The following MIB1 variants were observed in gnomAD, a reference collection of about 807,000 sequenced individuals.
MIB1 encodes MIB E3 ubiquitin protein ligase 1.
A neutral mutation model predicts 124.5 loss-of-function variants in MIB1; 278 were observed. That is an observed-to-expected ratio of 2.23 (90% CI 2.02 to 2.47). The LOEUF (loss-of-function observed/expected upper bound fraction) is 2.47. Among genes scored for constraint, MIB1 ranks in the 30% most tolerant of loss-of-function variants. The pLI, the probability that MIB1 is intolerant of heterozygous loss-of-function variation, is 0.00. For synonymous variants in MIB1, 446 were observed against 429.4 expected (o/e 1.04, Z -0.48); for missense variants, 957 against 1,254.4 (o/e 0.76, Z 3.58).
chr18:21,798,729 G>A (rs1746847959), intron 8 of MIB1, among the ~76,000 whole-genome samples: 1 of 152,000 alleles, frequency 6.6e-6, no homozygotes, highest in Non-Finnish European at 1.5e-5. Context: ...ATGCTAAAAT[G>A]TGAACATCCT....
chr18:21,746,648 A>G (rs893772067), intron 1 of MIB1, among the ~76,000 whole-genome samples: 1 of 152,190 alleles, frequency 6.6e-6, no homozygotes, highest in African/African-American at 2.4e-5. Flanking sequence ...TCACTTGACT[A>G]CAGTGTTGTA....
chr18:21,798,114 A>T lies in MIB1; in HGVS notation c.1123A>T (p.Ile375Phe), dbSNP rs2041606217. The T allele has an allele frequency of 6.2e-7, 1 of 1,613,078 alleles. No homozygotes were observed. Among genetic ancestry groups the T allele is most frequent in the Non-Finnish European group, 8.5e-7 (1 of 1,179,374 alleles). The change falls in exon 8 of 21, where the codon ATT (isoleucine) becomes TTT (phenylalanine). Residue 375 changes from isoleucine to phenylalanine, a missense_variant. Transcript: ENST00000261537. The part of the protein sequence containing the change: ...TLGKVGRVQQ[I>F]YSDSDLKVEV... ...AGGTAAAGTTGGCCGAGTACAACAG[A>T]TTTATTCAGACAGTGATTTAAAGGT...
chr18:21,796,366 G>A (rs2041579852), intron 7 of MIB1, among the ~76,000 whole-genome samples: 1 of 151,896 alleles, frequency 6.6e-6, no homozygotes, highest in African/African-American at 2.4e-5. Flanking sequence ...ACACAGGGAG[G>A]GGAACATCAC....
intron 1 of MIB1, among the ~76,000 whole-genome samples, chr18:21,723,249 T>G (rs1306292813): frequency 1.3e-5 from 2 of 152,184 alleles, no homozygotes; most frequent in African/African-American, 4.8e-5. Context: ...TTATTTTGTT[T>G]TTTTTAAGCA....
At chr18:21,846,482 A>G (rs188411893) in intron 15 of MIB1, among the ~76,000 whole-genome samples, 1 of 152,286 alleles carries the variant, frequency 6.6e-6, no homozygotes, top group Admixed American at 6.5e-5. Context: ...CATTCTCCGT[A>G]TCTTGGCTCA....
intron 13 of MIB1, among the ~76,000 whole-genome samples, chr18:21,840,651 ATATATATATATATATTTTT>A (rs869137484): frequency 0.045 from 3,821 of 84,548 alleles, 138 homozygotes; most frequent in Non-Finnish European, 0.055. Context: ...ATATATATAT[ATATATATATATATATTTTT>A]TTTTTTTTTT....
At chr18:21,764,316 A>G (rs572282109) in intron 1 of MIB1, among the ~76,000 whole-genome samples, 3 of 152,040 alleles carry the variant, frequency 2.0e-5, no homozygotes, top group Admixed American at 1.3e-4. Context: ...CTTTCCCTCA[A>G]AACAGGCATA....
intron 11 of MIB1, among the ~76,000 whole-genome samples, chr18:21,816,865 G>T (rs1194928102): frequency 6.6e-6 from 1 of 152,066 alleles, no homozygotes; most frequent in Non-Finnish European, 1.5e-5. Flanking sequence ...TAAGTGGGAG[G>T]CAGGATTGGA....
chr18:21,804,006 G>A lies in MIB1; in HGVS notation c.1471G>A (p.Glu491Lys), dbSNP rs1434392772. ...KLLLKQNVDV[E>K]AEDKDGDRAV... Reference sequence around the variant, plus strand: ...ACTTTTGAAGCAAAACGTGGATGTCGAAGCAGAGGTAAGTAAACTTGAAAA... The same window carrying A: ...ACTTTTGAAGCAAAACGTGGATGTCAAAGCAGAGGTAAGTAAACTTGAAAA... Residue 491 changes from glutamate to lysine, a missense_variant, in exon 10 of 21, where the codon GAA becomes AAA. Physicochemically the swap from Glu to Lys is moderately conservative, Grantham distance 56. Transcript: ENST00000261537. The A allele has an allele frequency of 3.7e-6, 6 of 1,609,922 alleles. No individual in the cohort carries two copies. Among genetic ancestry groups the A allele is most frequent in the African/African-American group, 1.3e-5 (1 of 74,922 alleles).
At chr18:21,776,015 C>T (rs1190298667) in intron 4 of MIB1, among the ~76,000 whole-genome samples, 1 of 151,994 alleles carries the variant, frequency 6.6e-6, no homozygotes, top group Non-Finnish European at 1.5e-5. Context: ...ACCTGTAATC[C>T]CAGCACCATG....
At position 21,729,263 on chromosome 18, in the gene MIB1, G is replaced by A. The variant is rs77201690; in HGVS notation, n.167+24140G>A. On this transcript the variant is annotated intron_variant and non_coding_transcript_variant, in intron 1 of 20. Transcript: ENST00000578646. ...GGGCTTGGTTAGTGAGGAAGATGGC[G>A]TCATAGTCTGTTCGGGCTGCTATAA... Among the ~76,000 whole-genome samples, 195 of 152,300 alleles carry A rather than the reference G, an allele frequency of 1.3e-3. 3 individuals are homozygous for A. The East Asian group carries it at 0.029, about 23-fold the overall frequency.
At chr18:21,797,935 T>A in intron 7 of MIB1, 149 bp from the exon 8 acceptor site, 1 of 623,192 alleles carries the variant, frequency 1.6e-6, no homozygotes, top group Non-Finnish European at 2.7e-6. Context: ...TTTGTACTTA[T>A]TCAAATAACC....
Position 21,741,547 on chromosome 18 carries a change from G to GGCGGCGGCA in MIB1, c.-29_-21dup, listed in dbSNP as rs1199669133. On this transcript the variant is annotated 5_prime_UTR_variant, in exon 1 of 21. Coordinates refer to ENST00000261537, the MANE Select transcript of MIB1 (RefSeq NM_020774.4). This position sits in a 1 kb window ranked among gnomAD's most constrained non-coding sequence, Gnocchi z 5.4. ...GCCCCCCGGCGGCAGCGGCGGCGGC[G>GGCGGCGGCA]GCGGCGGCAGCGGCGGAGCCCACCG... 4.2e-5 allele frequency: 55 copies of GGCGGCGGCA among 1,309,596 alleles called. No homozygotes were observed. The highest frequency in any genetic ancestry group is 4.8e-5 in the Non-Finnish European group (49 of 1,028,162). The allele number at this position is 1,309,596 out of a possible 1,614,324, so 81.1% of individuals were successfully genotyped here.
chr18:21,755,184 G>A (rs1466522128), intron 1 of MIB1, among the ~76,000 whole-genome samples: 1 of 152,118 alleles, frequency 6.6e-6, no homozygotes, highest in Non-Finnish European at 1.5e-5. Context: ...TTCCTCAGAT[G>A]GAACTAGGAA....
At chr18:21,757,781 C>T (rs556324499) in intron 1 of MIB1, among the ~76,000 whole-genome samples, 3 of 152,076 alleles carry the variant, frequency 2.0e-5, no homozygotes, top group East Asian at 3.9e-4. Context: ...CCACCACACC[C>T]GGCCAGTCTT....
intron 6 of MIB1, among the ~76,000 whole-genome samples, chr18:21,785,287 C>T (rs1427148462): frequency 3.9e-5 from 6 of 152,038 alleles, no homozygotes; most frequent in African/African-American, 7.2e-5. Flanking sequence ...CCGGTCTCCG[C>T]GTCTTGGTGG....
At chr18:21,845,876 G>A (rs994582158) in intron 15 of MIB1, among the ~76,000 whole-genome samples, 1 of 152,134 alleles carries the variant, frequency 6.6e-6, no homozygotes, top group Non-Finnish European at 1.5e-5. Context: ...GTCTGCTTCA[G>A]CCTCCCAAAG....
chr18:21,866,596 C>G lies in MIB1; in HGVS notation c.*1930C>G, dbSNP rs1035164553. Reference sequence around the variant, plus strand: ...GTGAGGAGGGAGCACCTGGCTGACTCATGCAGAGTTTGGCCAATCAGAGAA... The same window carrying G: ...GTGAGGAGGGAGCACCTGGCTGACTGATGCAGAGTTTGGCCAATCAGAGAA... On this transcript the variant is annotated 3_prime_UTR_variant, in exon 21 of 21. Transcript: ENST00000261537. The G allele has an allele frequency of 5.9e-5, 9 of 152,156 alleles. No individual in the cohort carries two copies. The highest frequency in any genetic ancestry group is 2.2e-4 in the African/African-American group (9 of 41,440). The allele number at this position is 152,156 out of a possible 1,614,324, so 9.4% of individuals were successfully genotyped here. A position where few individuals can be genotyped will look rare whatever the true frequency, so the allele number is the denominator to read the frequency against.
chr18:21,799,975 G>A lies in MIB1; in HGVS notation c.1371+1G>A, dbSNP rs565728625. 6 of 1,608,502 alleles carry A rather than the reference G, an allele frequency of 3.7e-6. No individual in the cohort carries two copies. The highest frequency in any genetic ancestry group is 4.2e-6 in the Non-Finnish European group (5 of 1,176,624). On this transcript the variant is annotated splice_donor_variant, in intron 9 of 20. Coordinates refer to ENST00000261537, the MANE Select transcript of MIB1 (RefSeq NM_020774.4). LOFTEE classifies it high-confidence loss of function. Reference sequence around the variant, plus strand: ...TTTGCTTAAAAGACCAGATGTGGATGTGAGCATTTTAAAAATTATTTTGAA... The same window carrying A: ...TTTGCTTAAAAGACCAGATGTGGATATGAGCATTTTAAAAATTATTTTGAA...
Sources: allele counts gnomAD v4.1 joint callset (sites outside exome capture counted in the v4.1 genomes callset), GRCh38; gene constraint gnomAD v4.1.1; non-coding constraint Gnocchi (gnomAD v3.1); transcripts MANE v1.5; gene names NCBI Gene and HGNC (gene_info 2026-07-23, HGNC 2026-07-21).